IGFN1: variants seen among roughly 807,000 people sequenced by gnomAD.
The protein encoded by IGFN1 is immunoglobulin like and fibronectin type III domain containing 1.
Under a neutral mutation model 289.5 loss-of-function variants are expected in IGFN1, and 253 were observed. That is an observed-to-expected ratio of 0.87 (90% CI 0.79 to 0.97). The LOEUF (loss-of-function observed/expected upper bound fraction) is 0.97, where lower values mean the gene tolerates loss of function less well. Among genes scored for constraint, IGFN1 ranks in the 50% least tolerant of loss-of-function variants. The pLI is 0.00. For synonymous variants in IGFN1, 1,706 were observed against 1,788.5 expected (o/e 0.95, Z 1.16); for missense variants, 4,470 against 4,686.1 (o/e 0.95, Z 1.35).
intron 20 of IGFN1, chr1:201,223,258 C>T (rs1653854450): frequency 6.5e-6 from 1 of 153,492 alleles, no homozygotes; most frequent in African/African-American, 2.4e-5. Flanking sequence ...CACCACCTGA[C>T]TTTACAACAG....
chr1:201,216,823 C>A, intron 16 of IGFN1, 70 bp downstream of exon 16: 1 of 1,358,676 alleles, frequency 7.4e-7, no homozygotes, highest in Non-Finnish European at 1.0e-6. Flanking sequence ...GGAGGGCAGG[C>A]TGTCCCAGAG....
Position 201,213,492 on chromosome 1 carries a change from G to C in IGFN1, c.8599G>C (p.Gly2867Arg), listed in dbSNP as rs1667939768. 6.2e-7 allele frequency: 1 copy of C among 1,613,946 alleles called. No individual in the cohort carries two copies. The highest frequency in any genetic ancestry group is 8.5e-7 in the Non-Finnish European group (1 of 1,179,964). Residue 2867 changes from glycine (G) to arginine (R), a missense_variant, in exon 12 of 24, where the codon GGT (glycine) becomes CGT (arginine). Physicochemically the swap from Gly to Arg is moderately radical, Grantham distance 125. Coordinates refer to ENST00000335211, the MANE Select transcript of IGFN1 (RefSeq NM_001164586.2). ...TGAAGATCAGAGCCGGGAGCCCCCT[G>C]GTCACCTTGGTAGCAGGAGAAGTGG... ...LNEDQSREPP[G>R]HLGSRRSGKD...
rs1312924547 is a variant in IGFN1 at position 201,205,321 on chromosome 1, C to T, written c.1156C>T (p.Leu386Phe). 6.9e-7 allele frequency: 1 copy of T among 1,447,746 alleles called. No homozygotes were observed. The highest frequency in any genetic ancestry group is 1.4e-5 in the South Asian group (1 of 71,774). The allele number at this position is 1,447,746 out of a possible 1,614,324, so 89.7% of individuals were successfully genotyped here. A position where few individuals can be genotyped will look rare whatever the true frequency, so the allele number is the denominator to read the frequency against. The part of the protein sequence containing the change: ...DMGPYSLGTG[L>F]YTSSAWLVVE... ...GGGCCCCTATTCGCTGGGCACCGGG[C>T]TCTACACTTCCAGCGCCTGGCTGGT... The change falls in exon 11 of 24, where the codon CTC (leucine) becomes TTC (phenylalanine). Residue 386 changes from leucine to phenylalanine, a missense_variant. Around this residue, in one of 8 missense-constraint regions of IGFN1, gnomAD observed 2,011 missense variants for 1,953.4 expected, o/e 1.03. Coordinates refer to ENST00000335211, the MANE Select transcript of IGFN1 (RefSeq NM_001164586.2).
chr1:201,194,725 C>T (rs1045962753), intron 3 of IGFN1, among the ~76,000 whole-genome samples: 4 of 152,126 alleles, frequency 2.6e-5, no homozygotes, highest in Non-Finnish European at 1.5e-5. Context: ...TTCTAGAAGG[C>T]CACATAAGAA....
Position 201,209,638 on chromosome 1 carries a change from C to G in IGFN1, c.4745C>G (p.Ala1582Gly), listed in dbSNP as rs1460916254. Residue 1582 changes from alanine to glycine, a missense_variant, in exon 12 of 24, where the codon GCA (alanine) becomes GGA (glycine). Physicochemically the swap from Ala to Gly is moderately conservative, Grantham distance 60 (BLOSUM62 0). Around this residue, in one of 8 missense-constraint regions of IGFN1, gnomAD observed 31 missense variants for 121.0 expected, o/e 0.26. Coordinates refer to ENST00000335211, the MANE Select transcript of IGFN1 (RefSeq NM_001164586.2). ...AAGGGAATGGGTTCAGGGAGTAAGG[C>G]AAGTTTTAGGGATGGTTTAGGAGGT... The part of the protein sequence containing the change: ...APKGMGSGSK[A>G]SFRDGLGGSG... 1.3e-6 allele frequency: 2 copies of G among 1,534,198 alleles called. No individual in the cohort carries two copies. Among genetic ancestry groups the G allele is most frequent in the African/African-American group, 2.7e-5 (2 of 72,858 alleles).
At chr1:201,200,010 T>A (rs1235877158) in intron 7 of IGFN1, among the ~76,000 whole-genome samples, 3 of 152,122 alleles carry the variant, frequency 2.0e-5, no homozygotes, top group Admixed American at 6.5e-5. Flanking sequence ...CAATACAAGT[T>A]GTCAGGAGCA....
intron 5 of IGFN1, among the ~76,000 whole-genome samples, chr1:201,198,679 G>A (rs770069788): frequency 1.3e-4 from 19 of 151,848 alleles, no homozygotes; most frequent in Non-Finnish European, 2.5e-4. Flanking sequence ...CTCCCCCCTC[G>A]GCCTCCCAAA....
intron 16 of IGFN1, 138 bp downstream of exon 16, chr1:201,216,891 G>A: frequency 2.9e-6 from 2 of 679,106 alleles, no homozygotes; most frequent in South Asian, 1.9e-5. Flanking sequence ...GCACTCTGGA[G>A]ACTCCTTCCC....
In IGFN1 at chr1:201,221,494, A is replaced by T; in HGVS notation, c.9949A>T (p.Ser3317Cys). 1 of 1,613,108 alleles carries T rather than the reference A, an allele frequency of 6.2e-7. No homozygotes were observed. Among genetic ancestry groups the T allele is most frequent in the South Asian group, 1.1e-5 (1 of 90,802 alleles). ...NLQVTDRSNT[S>C]ITLSWAGPDT... ...CCAAGTCACAGACAGATCGAACACC[A>T]GCATCACTCTGAGCTGGGCTGGGCC... The change falls in exon 19 of 24, where the codon AGC becomes TGC. Residue 3317 changes from serine (S) to cysteine (C), a missense_variant. Ser to Cys is a moderately radical substitution (Grantham distance 112). Around this residue, in one of 8 missense-constraint regions of IGFN1, gnomAD observed 2,218 missense variants for 2,114.1 expected, o/e 1.05. Transcript: ENST00000335211.
At chr1:201,195,810 G>A (rs924001801) in intron 3 of IGFN1, 29 bp from the exon 4 acceptor site, 37 of 1,543,692 alleles carry the variant, frequency 2.4e-5, no homozygotes, top group Non-Finnish European at 2.8e-5. Flanking sequence ...CAACTTGTCA[G>A]TCTCCCTACT....
At position 201,221,735 on chromosome 1, in the gene IGFN1, T is replaced by C. The variant is rs1653751989; in HGVS notation, c.10190T>C (p.Met3397Thr). Reference sequence around the variant, plus strand: ...GCCCTGGACACATTAGTGCAAGCCATGCCTGTTACTGGTGAGTGCTGCCTC... The same window carrying C: ...GCCCTGGACACATTAGTGCAAGCCACGCCTGTTACTGGTGAGTGCTGCCTC... ...PSALDTLVQA[M>T]PVTVCPKFLV... Residue 3397 changes from methionine to threonine, a missense_variant, in exon 19 of 24, where the codon ATG becomes ACG. This residue lies in a region of IGFN1 where 2,218 missense variants were observed against 2,114.1 expected (regional missense o/e 1.05). Coordinates refer to ENST00000335211, the MANE Select transcript of IGFN1 (RefSeq NM_001164586.2). 1.9e-6 allele frequency: 3 copies of C among 1,588,246 alleles called. No individual in the cohort carries two copies. The East Asian group carries it at 6.7e-5, about 36-fold the overall frequency.
chr1:201,225,381 T>C (rs1210263129), intron 21 of IGFN1, among the ~76,000 whole-genome samples: 1 of 152,192 alleles, frequency 6.6e-6, no homozygotes, highest in Non-Finnish European at 1.5e-5. Flanking sequence ...TTGTCCTGTG[T>C]CATTTTACTT....
In IGFN1 at chr1:201,208,525, T is replaced by A; in HGVS notation, c.3632T>A (p.Val1211Glu). The stretch of plus-strand genomic sequence containing the variant: ...CAGTGGGCTTATGGGGCTGGCAATG[T>A]GCTGGGTTATGAGGATGGATCAGAA... ...GSQWAYGAGNVLGYEDGSELP... is the reference protein window; with the variant it reads ...GSQWAYGAGNELGYEDGSELP... The change falls in exon 12 of 24, where the codon GTG becomes GAG. Residue 1211 changes from valine (V) to glutamate (E), a missense_variant. By Grantham distance (121) the Val-to-Glu change is moderately radical. Transcript: ENST00000335211. 1 of 1,456,010 alleles carries A rather than the reference T, an allele frequency of 6.9e-7. No homozygotes were observed. The highest frequency in any genetic ancestry group is 9.0e-7 in the Non-Finnish European group (1 of 1,112,660). 90.2% of individuals were successfully genotyped at this position (1,456,010 alleles called of 1,614,324 possible).
In IGFN1 at chr1:201,227,205, A is replaced by G. The variant is rs1306248766; in HGVS notation, c.11110A>G (p.Ile3704Val). 1.9e-6 allele frequency: 3 copies of G among 1,579,608 alleles called. No individual in the cohort carries two copies. The highest frequency in any genetic ancestry group is 2.3e-5 in the East Asian group (1 of 42,868). The change falls in exon 23 of 24, where the codon ATA (isoleucine) becomes GTA (valine). Residue 3704 changes from isoleucine to valine, a missense_variant. Physicochemically the swap from Ile to Val is conservative, Grantham distance 29. Around this residue, in one of 8 missense-constraint regions of IGFN1, gnomAD observed 2,218 missense variants for 2,114.1 expected, o/e 1.05. Transcript: ENST00000335211. Reference protein sequence around the residue: ...QAVSTATLIVIEPST With the variant: ...QAVSTATLIVVEPST ...AGTCAGCACTGCCACCCTCATTGTC[A>G]TAGGTAATGGTGGCTGCCCTGGCAG... is the stretch of plus-strand genomic sequence containing the variant.
At chr1:201,218,183 C>T (rs1190413998) in intron 17 of IGFN1, among the ~76,000 whole-genome samples, 1 of 152,216 alleles carries the variant, frequency 6.6e-6, no homozygotes, top group African/African-American at 2.4e-5. Flanking sequence ...TTCCTTATCT[C>T]TAGAAAGAGA....
rs746813731 is a variant in IGFN1 at position 201,215,107 on chromosome 1, C to T, written c.8948C>T (p.Thr2983Ile). Residue 2983 changes from threonine to isoleucine, a missense_variant, in exon 14 of 24, where the codon ACC (threonine) becomes ATC (isoleucine). Coordinates refer to ENST00000335211, the MANE Select transcript of IGFN1 (RefSeq NM_001164586.2). ...HVQGTQAGRY[T>I]FVAGDQQSEA... is the part of the protein sequence containing the mutation. The stretch of plus-strand genomic sequence containing the variant: ...CAGGGGACCCAAGCTGGGAGGTACA[C>T]CTTTGTAGCTGGTGACCAGCAGAGC... 5 of 1,613,880 alleles carry T rather than the reference C, an allele frequency of 3.1e-6. No individual in the cohort carries two copies. Among genetic ancestry groups the T allele is most frequent in the Non-Finnish European group, 4.2e-6 (5 of 1,180,044 alleles).
At position 201,209,086 on chromosome 1, in the gene IGFN1, G is replaced by A; in HGVS notation, c.4193G>A (p.Gly1398Asp). 1 of 1,536,092 alleles carries A rather than the reference G, an allele frequency of 6.5e-7. No homozygotes were observed. The highest frequency in any genetic ancestry group is 8.7e-7 in the Non-Finnish European group (1 of 1,146,582). Residue 1398 changes from glycine to aspartate, a missense_variant, in exon 12 of 24, where the codon GGT becomes GAT. Physicochemically the swap from Gly to Asp is moderately conservative, Grantham distance 94. Transcript: ENST00000335211. ...MGAGYRAGLR[G>D]PGEMGSLDES... ...GCAGGTTACAGGGCTGGTTTAAGGG[G>A]TCCTGGGGAGATGGGGTCACTGGAT...
At chr1:201,219,622 C>G (rs1653576233) in intron 18 of IGFN1, among the ~76,000 whole-genome samples, 1 of 152,234 alleles carries the variant, frequency 6.6e-6, no homozygotes, top group African/African-American at 2.4e-5. Flanking sequence ...TTGCCTACGC[C>G]AAGTCCTCTA....
chr1:201,216,170 T>A (rs1273792791), intron 15 of IGFN1: 2 of 604,086 alleles, frequency 3.3e-6, no homozygotes, highest in Non-Finnish European at 3.0e-6. Flanking sequence ...GCCGAGCAGG[T>A]GCCCATACCA....
Sources: allele counts gnomAD v4.1 joint callset (sites outside exome capture counted in the v4.1 genomes callset), GRCh38; gene constraint gnomAD v4.1.1; regional missense constraint gnomAD v4.1.1; transcripts MANE v1.5; gene names NCBI Gene and HGNC (gene_info 2026-07-23, HGNC 2026-07-21).